The following RASAL3 variants were observed in gnomAD, a reference collection of about 807,000 sequenced individuals.
RASAL3 encodes the protein RAS protein activator like 3.
A neutral mutation model predicts 105.5 loss-of-function variants in RASAL3; 74 were observed. That is an observed-to-expected ratio of 0.70 (90% CI 0.58 to 0.85). RASAL3 has a LOEUF of 0.85. Among genes scored for constraint, RASAL3 ranks in the 40% least tolerant of loss-of-function variants. RASAL3 has a pLI of 0.00. For synonymous variants in RASAL3, 579 were observed against 591.6 expected (o/e 0.98, Z 0.31); for missense variants, 1,352 against 1,392.0 (o/e 0.97, Z 0.46).
chr19:15,454,375 C>G lies in RASAL3; in HGVS notation c.2146G>C (p.Ala716Pro), dbSNP rs1032755329. The change falls in exon 13 of 18, where the codon GCT becomes CCT. Residue 716 changes from alanine to proline, a missense_variant. Physicochemically the swap from Ala to Pro is conservative, Grantham distance 27 (BLOSUM62 -1). This residue lies in a region of RASAL3 where 920 missense variants were observed against 919.6 expected (regional missense o/e 1.00). Coordinates refer to ENST00000343625, the MANE Select transcript of RASAL3 (RefSeq NM_022904.3). ...TCAGGCCATACCTGGTCAAGCTCAGCAAAAATTGTACAGAGCTGGGCATGC... is the reference window on the plus strand; with the variant it reads ...TCAGGCCATACCTGGTCAAGCTCAGGAAAAATTGTACAGAGCTGGGCATGC... ...VLHAQLCTIF[A>P]ELDQTTRDTL... The G allele has an allele frequency of 2.3e-5, 37 of 1,612,166 alleles. No homozygotes were observed. The highest frequency in any genetic ancestry group is 3.1e-5 in the Non-Finnish European group (36 of 1,179,056).
chr19:15,456,411 CA>C lies in RASAL3; in HGVS notation c.1576+90del, dbSNP rs577862167. The C allele has an allele frequency of 5.7e-5, 88 of 1,552,520 alleles. No homozygotes were observed. In the African/African-American group the frequency reaches 8.4e-4, roughly 15 times the overall value. ...GCACCCCCAAAACACCACTCACTAC[CA>C]GAATCCAGGTTGCTCAAGGACTCTT... is the stretch of plus-strand genomic sequence containing the variant. On this transcript the variant is annotated intron_variant, in intron 10 of 17. Transcript: ENST00000343625. This position sits in a 1 kb window ranked among gnomAD's most constrained non-coding sequence, Gnocchi z 4.4.
chr19:15,456,313 T>C lies in RASAL3; in HGVS notation c.1577-65A>G. On this transcript the variant is annotated intron_variant, in intron 10 of 17. Coordinates refer to ENST00000343625, the MANE Select transcript of RASAL3 (RefSeq NM_022904.3). The surrounding 1 kb of genome is among the most constrained non-coding windows in gnomAD (Gnocchi z 4.4). ...CCACCAAAACCTGCCACACCCATCC[T>C]CCAACCTTGTCTTCAGGTTATTCCG... 1 of 1,587,312 alleles carries C rather than the reference T, an allele frequency of 6.3e-7. No homozygotes were observed. Among genetic ancestry groups the C allele is most frequent in the East Asian group, 2.3e-5 (1 of 44,434 alleles).
chr19:15,458,054 A>G, intron 8 of RASAL3: 1 of 639,702 alleles, frequency 1.6e-6, no homozygotes, highest in South Asian at 1.9e-5. Flanking sequence ...GCTCCAGGGC[A>G]TACAAGAGTA....
At chr19:15,462,822 G>C (rs929383344) in intron 2 of RASAL3, among the ~76,000 whole-genome samples, 53 of 151,212 alleles carry the variant, frequency 3.5e-4, no homozygotes, top group Admixed American at 9.9e-4. Context: ...ATGGTGGCGG[G>C]TTCCTGTAGT....
At chr19:15,460,443 G>T (rs1970473033) in intron 5 of RASAL3, among the ~76,000 whole-genome samples, 185 bp from the exon 6 acceptor site, 1 of 152,068 alleles carries the variant, frequency 6.6e-6, no homozygotes, top group South Asian at 2.1e-4. Flanking sequence ...TTTAAGACAG[G>T]GTCTCGTGCT....
In RASAL3 at chr19:15,457,751, G is replaced by A. The variant is rs944715079; in HGVS notation, c.972C>T (p.Pro324=). Residue 324 remains proline (P), a synonymous_variant, in exon 9 of 18, where the codon CCC becomes CCT. Transcript: ENST00000343625. This position sits in a 1 kb window ranked among gnomAD's most constrained non-coding sequence, Gnocchi z 8.6. The stretch of plus-strand genomic sequence containing the variant: ...CCAGCCACAGCTCGGCGCGCACGCC[G>A]GGTGCCCCCGCCGCTGCTCGGGGAA... ...KGLPRAAAGA[P]GVRAELWLDG... is the part of the protein sequence containing the mutation. The A allele has an allele frequency of 1.4e-5, 22 of 1,543,832 alleles. No homozygotes were observed. The highest frequency in any genetic ancestry group is 2.8e-5 in the African/African-American group (2 of 72,410).
rs9646651 is a variant in RASAL3, at chr19:15,454,235, G to C, written c.2193C>G (p.Thr731=). The change falls in exon 14 of 18, where the codon ACC becomes ACG. Residue 731 remains threonine, a synonymous_variant. Transcript: ENST00000343625. ...GGCCCTCCTCAATGGCTCGCAGGAT[G>C]GTGGGCAGTGGTTCCAGGGTGTCTC... ...TTRDTLEPLP[T]ILRAIEEGQP... 6.4e-7 allele frequency: 1 copy of C among 1,565,804 alleles called. No individual in the cohort carries two copies. The highest frequency in any genetic ancestry group is 8.7e-7 in the Non-Finnish European group (1 of 1,155,262).
In RASAL3 at chr19:15,458,525, T is replaced by C; in HGVS notation, c.789+4A>G. On this transcript the variant is annotated splice_donor_region_variant and intron_variant, in intron 7 of 17. Transcript: ENST00000343625. ...TGGAATCGAGGTGGACTGTCTACAC[T>C]TACCTGAAAGCAGTGGGGCTCCCCC... 6 of 1,613,842 alleles carry C rather than the reference T, an allele frequency of 3.7e-6. No individual in the cohort carries two copies. The highest frequency in any genetic ancestry group is 5.1e-6 in the Non-Finnish European group (6 of 1,179,822).
chr19:15,452,260 G>T, intron 16 of RASAL3, 152 bp from the exon 17 acceptor site: 2 of 724,710 alleles, frequency 2.8e-6, no homozygotes, highest in South Asian at 3.1e-5. Context: ...GCTTGAAGAA[G>T]GGTCGGACCA....
Position 15,456,891 on chromosome 19 carries a change from T to C in RASAL3, c.1432-245A>G, listed in dbSNP as rs112956215. 9 of 565,378 alleles carry C rather than the reference T, an allele frequency of 1.6e-5. No individual in the cohort carries two copies. Among genetic ancestry groups the C allele is most frequent in the African/African-American group, 1.5e-4 (8 of 52,770 alleles). 35.0% of individuals were successfully genotyped at this position (565,378 alleles called of 1,614,324 possible). A position where few individuals can be genotyped will look rare whatever the true frequency, so the allele number is the denominator to read the frequency against. Reference sequence around the variant, plus strand: ...CCCTCACGCGTGATGCTCAGGCCCCTGTCGCAGCTGAAGCTTAGGCTCCGC... The same window carrying C: ...CCCTCACGCGTGATGCTCAGGCCCCCGTCGCAGCTGAAGCTTAGGCTCCGC... On this transcript the variant is annotated intron_variant, in intron 9 of 17. Coordinates refer to ENST00000343625, the MANE Select transcript of RASAL3 (RefSeq NM_022904.3). This position sits in a 1 kb window ranked among gnomAD's most constrained non-coding sequence, Gnocchi z 4.4.
chr19:15,457,287 C>G lies in RASAL3; in HGVS notation c.1431+5G>C, dbSNP rs536941261. 3.9e-6 allele frequency: 5 copies of G among 1,285,954 alleles called. No homozygotes were observed. Among genetic ancestry groups the G allele is most frequent in the South Asian group, 2.1e-5 (1 of 46,550 alleles). 79.7% of individuals were successfully genotyped at this position (1,285,954 alleles called of 1,614,324 possible). On this transcript the variant is annotated splice_donor_5th_base_variant and intron_variant, in intron 9 of 17. Coordinates refer to ENST00000343625, the MANE Select transcript of RASAL3 (RefSeq NM_022904.3). The surrounding 1 kb of genome is among the most constrained non-coding windows in gnomAD (Gnocchi z 8.6). Reference sequence around the variant, plus strand: ...GCCCCGGTCCGCGCTGTCGCGGTGCCGCACCTGCGCCCGGCCGGTGGCCCG... The same window carrying G: ...GCCCCGGTCCGCGCTGTCGCGGTGCGGCACCTGCGCCCGGCCGGTGGCCCG...
At chr19:15,461,747 G>C in intron 2 of RASAL3, 140 bp from the exon 3 acceptor site, 2 of 1,286,128 alleles carry the variant, frequency 1.6e-6, no homozygotes, top group South Asian at 3.8e-5. Flanking sequence ...GTATGACCTT[G>C]GGCAAGCTTT....
Position 15,457,873 on chromosome 19 carries a change from T to A in RASAL3, c.889-39A>T, listed in dbSNP as rs1159275327. ...TGGGATGGGGGGAAGCGTTTTGGTT[T>A]GTTGGCACCCCAAAGAAGGCACCGC... On this transcript the variant is annotated intron_variant, in intron 8 of 17. Coordinates refer to ENST00000343625, the MANE Select transcript of RASAL3 (RefSeq NM_022904.3). The surrounding 1 kb of genome is among the most constrained non-coding windows in gnomAD (Gnocchi z 8.6). 1 of 1,543,804 alleles carries A rather than the reference T, an allele frequency of 6.5e-7. No homozygotes were observed. The highest frequency in any genetic ancestry group is 8.7e-7 in the Non-Finnish European group (1 of 1,144,650).
chr19:15,452,255 A>T, intron 16 of RASAL3, 147 bp from the exon 17 acceptor site: 1 of 741,794 alleles, frequency 1.3e-6, no homozygotes, highest in South Asian at 1.5e-5. Flanking sequence ...AATATGCTTG[A>T]AGAAGGGTCG....
At chr19:15,459,267 A>G (rs1187749626) in intron 6 of RASAL3, among the ~76,000 whole-genome samples, 14 of 42,770 alleles carry the variant, frequency 3.3e-4, no homozygotes, top group Admixed American at 2.7e-3. Context: ...ATTTATTGAG[A>G]TGGAGTCTTG....
Position 15,453,325 on chromosome 19 carries a change from G to A in RASAL3, c.2452C>T (p.Gln818Ter). ...GCAGGACGCCGGACCGGGACACTCT[G>A]CGTGCGCTGCACCGGCCGGGGCCGC... ...LRRPRPVQRT[Q>*]SVPVRRPARR... The change falls in exon 15 of 18, where the codon CAG (glutamine) becomes TAG (stop). Residue 818 changes from glutamine (Q) to a stop codon, truncating the protein, a stop_gained. Coordinates refer to ENST00000343625, the MANE Select transcript of RASAL3 (RefSeq NM_022904.3). LOFTEE classifies it high-confidence loss of function. This position sits in a 1 kb window ranked among gnomAD's most constrained non-coding sequence, Gnocchi z 4.2. 1 of 1,461,794 alleles carries A rather than the reference G, an allele frequency of 6.8e-7. No individual in the cohort carries two copies. The allele number at this position is 1,461,794 out of a possible 1,614,324, so 90.6% of individuals were successfully genotyped here. A position where few individuals can be genotyped will look rare whatever the true frequency, so the allele number is the denominator to read the frequency against.
chr19:15,458,621 C>T lies in RASAL3; in HGVS notation c.697G>A (p.Ala233Thr), dbSNP rs762316553. Residue 233 changes from alanine (A) to threonine (T), a missense_variant, in exon 7 of 18, where the codon GCC becomes ACC. Physicochemically the swap from Ala to Thr is moderately conservative, Grantham distance 58. Coordinates refer to ENST00000343625, the MANE Select transcript of RASAL3 (RefSeq NM_022904.3). The stretch of plus-strand genomic sequence containing the variant: ...CCCAGGTCCAGTTCAGAGAGTGTGG[C>T]CAGCGACTCCCTAGAGCCCAGAGCA... ...PSALGSRESL[A>T]TLSELDLGAE... 6.8e-6 allele frequency: 11 copies of T among 1,613,412 alleles called. No individual in the cohort carries two copies. The South Asian group carries it at 1.1e-4, about 16-fold the overall frequency.
chr19:15,454,734 T>C lies in RASAL3; in HGVS notation c.1881A>G (p.Pro627=), dbSNP rs1970265536. 13 of 1,609,934 alleles carry C rather than the reference T, an allele frequency of 8.1e-6. No homozygotes were observed. The highest frequency in any genetic ancestry group is 1.3e-5 in the African/African-American group (1 of 74,880). Residue 627 remains proline (P), a synonymous_variant, in exon 12 of 18, where the codon CCA becomes CCG. Coordinates refer to ENST00000343625, the MANE Select transcript of RASAL3 (RefSeq NM_022904.3). ...GGGCTGGGCCGGGTGCTGGATGGTC[T>C]GGTGCCAAACCAAAGAGGCTGGGTG... is the stretch of plus-strand genomic sequence containing the variant. The part of the protein sequence containing the change: ...ILAPSLFGLA[P]DHPAPGPART...
In RASAL3 at chr19:15,452,025, G is replaced by A; in HGVS notation, c.2892+20C>T. ...CCTCCACCGCCCAGACCTGCCCCAG[G>A]GCTCAGATGGCAATCTCACCAGGTT... On this transcript the variant is annotated intron_variant, in intron 17 of 17. Transcript: ENST00000343625. The A allele has an allele frequency of 6.2e-7, 1 of 1,613,948 alleles. No homozygotes were observed. The highest frequency in any genetic ancestry group is 1.1e-5 in the South Asian group (1 of 91,088).
Sources: gnomAD v4.1 joint callset for allele counts (sites outside exome capture counted in the v4.1 genomes callset) on GRCh38, gnomAD v4.1.1 for gene constraint, gnomAD v4.1.1 regional missense constraint, Gnocchi (gnomAD v3.1) non-coding constraint, MANE v1.5 for transcripts, NCBI Gene and HGNC (gene_info 2026-07-23, HGNC 2026-07-21) for gene names.